LGI4: variants seen among roughly 807,000 people sequenced by gnomAD.
LGI4 encodes leucine-rich repeat LGI family member 4.
A neutral mutation model predicts 48.3 loss-of-function variants in LGI4; 36 were observed. The observed-to-expected ratio is 0.75, with a 90% CI of 0.57 to 0.98. LGI4 has a LOEUF of 0.98. LGI4 is among the 50% of genes least tolerant of loss of function. LGI4 has a pLI of 0.00. For synonymous variants in LGI4, 355 were observed against 331.6 expected (o/e 1.07, Z -0.77); for missense variants, 701 against 732.1 (o/e 0.96, Z 0.49).
At chr19:35,129,980 TG>T (rs1196715482) in intron 6 of LGI4, among the ~76,000 whole-genome samples, 13 of 152,318 alleles carry the variant, frequency 8.5e-5, no homozygotes, top group African/African-American at 2.9e-4. Context: ...TACTCTTTAC[TG>T]CACTGAGATG....
intron 6 of LGI4, among the ~76,000 whole-genome samples, chr19:35,130,535 T>G (rs1237669892): frequency 6.6e-6 from 1 of 151,860 alleles, no homozygotes; most frequent in Non-Finnish European, 1.5e-5. Context: ...TACAAAAAAG[T>G]TTTTTAAAAA....
rs1687998 is a variant in LGI4, at chr19:35,126,735, C to G, written c.834G>C (p.Pro278=). The change falls in exon 8 of 9, where the codon CCG becomes CCC. Residue 278 remains proline, a synonymous_variant. Coordinates refer to ENST00000310123, the MANE Select transcript of LGI4 (RefSeq NM_139284.3). ...VVSCKPLVLG[P]SLFVLAARLW... ...GGCGGGCAGCCAGCACGAAGAGGCT[C>G]GGGCCCAGCACCAGTGGCTTGCAGG... is the stretch of plus-strand genomic sequence containing the variant. 0.36 allele frequency: 553,262 copies of G among 1,541,662 alleles called. 101,560 individuals are homozygous for G. Among genetic ancestry groups the G allele is most frequent in the South Asian group, 0.52 (43,964 of 84,394 alleles).
Position 35,131,416 on chromosome 19 carries a change from C to T in LGI4, c.598G>A (p.Asp200Asn), listed in dbSNP as rs1199933285. ...GCTCTGCACTTGAAAGTCTTGGGGT[C>T]GAGGTGGTGGAGCTGCATGTGGCTC... ...SLSHMQLHHL[D>N]PKTFKCRAIE... The change falls in exon 6 of 9, where the codon GAC becomes AAC. Residue 200 changes from aspartate (D) to asparagine (N), a missense_variant. By Grantham distance (23) the Asp-to-Asn change is conservative (BLOSUM62 1). Around this residue, in one of 3 missense-constraint regions of LGI4, gnomAD observed 462 missense variants for 436.4 expected, o/e 1.06. Coordinates refer to ENST00000310123, the MANE Select transcript of LGI4 (RefSeq NM_139284.3). 9 of 1,551,824 alleles carry T rather than the reference C, an allele frequency of 5.8e-6. No individual in the cohort carries two copies. The highest frequency in any genetic ancestry group is 4.8e-5 in the South Asian group (4 of 84,026).
At position 35,131,483 on chromosome 19, in the gene LGI4, A is replaced by G. The variant is rs2145366586; in HGVS notation, c.531T>C (p.Asn177=). The G allele has an allele frequency of 6.4e-7, 1 of 1,551,130 alleles. No homozygotes were observed. ...LWLLQWMPTV[N]ASVGTGACAG... is the part of the protein sequence containing the mutation. ...CACAGGCGCCGGTCCCCACGCTGGC[A>G]TTCACGGTGGGCATCCACTGCAGGA... The change falls in exon 6 of 9, where the codon AAT becomes AAC. Residue 177 remains asparagine (N), a synonymous_variant. Transcript: ENST00000310123.
In LGI4 at chr19:35,134,950, G is replaced by C. The variant is rs1013181033; in HGVS notation, c.-270C>G. 6.5e-6 allele frequency: 3 copies of C among 460,756 alleles called. No homozygotes were observed. Among genetic ancestry groups the C allele is most frequent in the Non-Finnish European group, 1.1e-5 (3 of 261,930 alleles). The allele number at this position is 460,756 out of a possible 1,614,324, so 28.5% of individuals were successfully genotyped here. A position where few individuals can be genotyped will look rare whatever the true frequency, so the allele number is the denominator to read the frequency against. Reference sequence around the variant, plus strand: ...TTAGTCTGTTTCTATTTCTGTCTTTGTCTCTCTTTCTGCCTGTTTCTTTTT... The same window carrying C: ...TTAGTCTGTTTCTATTTCTGTCTTTCTCTCTCTTTCTGCCTGTTTCTTTTT... On this transcript the variant is annotated 5_prime_UTR_variant, in exon 1 of 9. Coordinates refer to ENST00000310123, the MANE Select transcript of LGI4 (RefSeq NM_139284.3).
chr19:35,133,402 G>C, intron 3 of LGI4: 3 of 1,259,036 alleles, frequency 2.4e-6, no homozygotes, highest in Non-Finnish European at 3.0e-6. Context: ...ATGAGTCAGG[G>C]AGAGCCAGAA....
rs757883860 is a variant in LGI4, at chr19:35,131,867, G to C, written c.387-7C>G. ...ATGGTTATTGGCCAGGCTTCTGGTG[G>C]AGGAAGAGAAGGCACCGTCAGCAGC... On this transcript the variant is annotated splice_polypyrimidine_tract_variant and splice_region_variant and intron_variant, in intron 4 of 8. Transcript: ENST00000310123. The C allele has an allele frequency of 4.5e-6, 7 of 1,571,010 alleles. No homozygotes were observed. Among genetic ancestry groups the C allele is most frequent in the Non-Finnish European group, 6.0e-6 (7 of 1,157,864 alleles).
chr19:35,126,046 C>G, intron 8 of LGI4: 1 of 602,852 alleles, frequency 1.7e-6, no homozygotes, highest in Non-Finnish European at 3.0e-6. Context: ...ACAGAGCCAG[C>G]ATTTGGGGGT....
chr19:35,126,920 G>C lies in LGI4; in HGVS notation c.726C>G (p.Ala242=). The change falls in exon 7 of 9, where the codon GCC becomes GCG. Residue 242 remains alanine (A), a synonymous_variant. Transcript: ENST00000310123. Reference sequence around the variant, plus strand: ...CCCAGGAGAGAATCAGGCAGCGGCCGGCGAAGGGCTGTGCCAGCACAATGT... The same window carrying C: ...CCCAGGAGAGAATCAGGCAGCGGCCCGCGAAGGGCTGTGCCAGCACAATGT... ...EPHIVLAQPF[A]GRCLILSWDY... is the part of the protein sequence containing the mutation. The C allele has an allele frequency of 6.2e-7, 1 of 1,613,688 alleles. No individual in the cohort carries two copies. Among genetic ancestry groups the C allele is most frequent in the Non-Finnish European group, 8.5e-7 (1 of 1,179,930 alleles).
rs2065120527 is a variant in LGI4 at position 35,124,998 on chromosome 19, C to G, written c.*195G>C. ...GACCTGAAGGGCAGCTCGGGAGGTC[C>G]AGTAGGCTGGGACCCTCTATGTCCC... is the stretch of plus-strand genomic sequence containing the variant. On this transcript the variant is annotated 3_prime_UTR_variant, in exon 9 of 9. Transcript: ENST00000310123. 4 of 448,206 alleles carry G rather than the reference C, an allele frequency of 8.9e-6. No individual in the cohort carries two copies. Among genetic ancestry groups the G allele is most frequent in the Non-Finnish European group, 1.5e-5 (4 of 258,816 alleles). The allele number at this position is 448,206 out of a possible 1,614,324, so 27.8% of individuals were successfully genotyped here.
Position 35,131,653 on chromosome 19 carries a change from C to A in LGI4, c.459-98G>T, listed in dbSNP as rs935301568. The A allele has an allele frequency of 3.4e-6, 5 of 1,467,188 alleles. No homozygotes were observed. The East Asian group carries it at 1.2e-4, about 36-fold the overall frequency. 90.9% of individuals were successfully genotyped at this position (1,467,188 alleles called of 1,614,324 possible). ...CAGGCAAGTGTCCCCAGAGATGGGG[C>A]CCCATAGTGGTAAGAAAAATACGTA... On this transcript the variant is annotated intron_variant, in intron 5 of 8. Transcript: ENST00000310123.
At position 35,131,449 on chromosome 19, in the gene LGI4, C is replaced by G. The variant is rs773112302; in HGVS notation, c.565G>C (p.Ala189Pro). 6.4e-7 allele frequency: 1 copy of G among 1,551,872 alleles called. No homozygotes were observed. The highest frequency in any genetic ancestry group is 8.7e-7 in the Non-Finnish European group (1 of 1,147,156). ...TGGAGCTGCATGTGGCTCAGGGAGG[C>G]GGGGCCCGCACAGGCGCCGGTCCCC... ...SVGTGACAGPASLSHMQLHHL... is the reference protein window; with the variant it reads ...SVGTGACAGPPSLSHMQLHHL... Residue 189 changes from alanine to proline, a missense_variant, in exon 6 of 9, where the codon GCC (alanine) becomes CCC (proline). Around this residue, in one of 3 missense-constraint regions of LGI4, gnomAD observed 462 missense variants for 436.4 expected, o/e 1.06. Coordinates refer to ENST00000310123, the MANE Select transcript of LGI4 (RefSeq NM_139284.3).
Position 35,133,923 on chromosome 19 carries a change from C to T in LGI4, c.242+110G>A, listed in dbSNP as rs2065192072. On this transcript the variant is annotated intron_variant, in intron 2 of 8. Coordinates refer to ENST00000310123, the MANE Select transcript of LGI4 (RefSeq NM_139284.3). ...GTACAGACGTGTGCATACACCCCCA[C>T]ACACGTGCATCAATGCCCACCTGAC... is the stretch of plus-strand genomic sequence containing the variant. 6.1e-6 allele frequency: 8 copies of T among 1,319,258 alleles called. No individual in the cohort carries two copies. The South Asian group carries it at 8.9e-5, about 15-fold the overall frequency. The allele number at this position is 1,319,258 out of a possible 1,614,324, so 81.7% of individuals were successfully genotyped here. A position where few individuals can be genotyped will look rare whatever the true frequency, so the allele number is the denominator to read the frequency against.
At chr19:35,132,148 A>G (rs2065180303) in intron 3 of LGI4, 106 bp from the exon 4 acceptor site, 5 of 914,362 alleles carry the variant, frequency 5.5e-6, no homozygotes, top group Non-Finnish European at 8.8e-6. Context: ...TTCCAATACC[A>G]CGGACAATCC....
intron 6 of LGI4, 49 bp downstream of exon 6, chr19:35,131,337 C>T (rs909359201): frequency 2.6e-6 from 4 of 1,547,298 alleles, no homozygotes; most frequent in Middle Eastern, 1.7e-4. Flanking sequence ...GCCCTGGCAG[C>T]CTTTCCCCCA....
At chr19:35,133,597 T>A (rs922264750) in intron 3 of LGI4, 96 bp downstream of exon 3, 1 of 1,502,908 alleles carries the variant, frequency 6.7e-7, no homozygotes, top group South Asian at 1.2e-5. Flanking sequence ...CACCTGCTCC[T>A]CAGGGCCACA....
At chr19:35,125,976 G>C (rs2065131740) in intron 8 of LGI4, 1 of 548,990 alleles carries the variant, frequency 1.8e-6, no homozygotes, top group Non-Finnish European at 3.3e-6. Flanking sequence ...CAGCCTTGGG[G>C]GCTCAGTGTC....
At chr19:35,133,938 G>T in intron 2 of LGI4, 95 bp downstream of exon 2, 1 of 1,376,622 alleles carries the variant, frequency 7.3e-7, no homozygotes. Flanking sequence ...GTGCATCAAT[G>T]CCCACCTGAC....
chr19:35,133,059 C>T (rs1460941113), intron 3 of LGI4, among the ~76,000 whole-genome samples: 2 of 152,188 alleles, frequency 1.3e-5, no homozygotes, highest in Non-Finnish European at 2.9e-5. Flanking sequence ...AGAACTTCAT[C>T]AGTGATTTCA....
Sources: allele counts gnomAD v4.1 joint callset (sites outside exome capture counted in the v4.1 genomes callset), GRCh38; gene constraint gnomAD v4.1.1; regional missense constraint gnomAD v4.1.1; transcripts MANE v1.5; gene names NCBI Gene and HGNC (gene_info 2026-07-23, HGNC 2026-07-21).